QTMAN: variants seen among roughly 807,000 people sequenced by gnomAD.
QTMAN encodes the protein tRNA-queuosine alpha-mannosyltransferase.
chr2:144,256,334 C>CA, the QTMAN span, among the ~76,000 whole-genome samples: 2 of 152,086 alleles, frequency 1.3e-5, no homozygotes, highest in Non-Finnish European at 2.9e-5. Context: ...TCCCCAATGC[C>CA]AATAAAGATA....
the QTMAN span, among the ~76,000 whole-genome samples, chr2:144,307,233 C>CA: frequency 3.7e-4 from 38 of 103,374 alleles, no homozygotes; most frequent in East Asian, 5.1e-3. Context: ...CTATAGATGG[C>CA]AAAAAAAAAT....
At chr2:144,270,352 A>G in the QTMAN span, among the ~76,000 whole-genome samples, 3 of 152,336 alleles carry the variant, frequency 2.0e-5, no homozygotes, top group East Asian at 5.8e-4. Flanking sequence ...AGATACATGC[A>G]CACGTATGTT....
the QTMAN span, among the ~76,000 whole-genome samples, chr2:144,219,113 T>G: frequency 6.6e-6 from 1 of 152,164 alleles, no homozygotes; most frequent in South Asian, 2.1e-4. Context: ...CACTTTGCAG[T>G]AACAGACCTT....
At chr2:144,131,140 C>A in the QTMAN span, among the ~76,000 whole-genome samples, 1 of 151,966 alleles carries the variant, frequency 6.6e-6, no homozygotes, top group Non-Finnish European at 1.5e-5. Context: ...TCTGCAAATG[C>A]AGGTCAATAT....
the QTMAN span, among the ~76,000 whole-genome samples, chr2:144,322,869 T>C: frequency 6.6e-6 from 1 of 152,192 alleles, no homozygotes; most frequent in South Asian, 2.1e-4. Flanking sequence ...ATTACAAATC[T>C]TGACACAATT....
At chr2:144,134,877 G>T in the QTMAN span, among the ~76,000 whole-genome samples, 1 of 151,854 alleles carries the variant, frequency 6.6e-6, no homozygotes, top group African/African-American at 2.4e-5. Context: ...ATAAACATTT[G>T]ATCTTTTTAT....
the QTMAN span, among the ~76,000 whole-genome samples, chr2:144,231,878 G>GTT: frequency 1.4e-5 from 2 of 141,928 alleles, no homozygotes; most frequent in Non-Finnish European, 3.2e-5. Flanking sequence ...GTGTGTGTGT[G>GTT]TGTGTGTGTG....
At chr2:144,291,966 A>G in the QTMAN span, among the ~76,000 whole-genome samples, 1 of 152,182 alleles carries the variant, frequency 6.6e-6, no homozygotes, top group Non-Finnish European at 1.5e-5. Context: ...AAGAGATGAA[A>G]CATGCGGGTT....
chr2:143,939,783 CTCT>C, the QTMAN span: 2 of 152,188 alleles, frequency 1.3e-5, no homozygotes, highest in Non-Finnish European at 2.9e-5. Context: ...TCAATTTCAG[CTCT>C]TCTTAATGTA....
At chr2:144,047,501 A>G in the QTMAN span, among the ~76,000 whole-genome samples, 9 of 152,192 alleles carry the variant, frequency 5.9e-5, no homozygotes, top group Non-Finnish European at 1.3e-4. Context: ...TTCCTTTTGC[A>G]TATATACTGT....
At chr2:144,133,660 C>G in the QTMAN span, among the ~76,000 whole-genome samples, 18 of 144,576 alleles carry the variant, frequency 1.2e-4, no homozygotes, top group Admixed American at 1.0e-3. Context: ...TGGTTACAAC[C>G]TAACACAGCA....
the QTMAN span, among the ~76,000 whole-genome samples, chr2:144,251,368 C>T: frequency 2.4e-4 from 37 of 152,090 alleles, no homozygotes; most frequent in Non-Finnish European, 4.0e-4. Context: ...CAGAAATAGA[C>T]GCACACAAAT....
chr2:144,316,630 G>C, the QTMAN span, among the ~76,000 whole-genome samples: 1 of 152,124 alleles, frequency 6.6e-6, no homozygotes, highest in East Asian at 1.9e-4. Context: ...TAATAATAAA[G>C]GCAACCCATT....
chr2:144,290,671 CT>C, the QTMAN span, among the ~76,000 whole-genome samples: 3 of 152,192 alleles, frequency 2.0e-5, no homozygotes, highest in Non-Finnish European at 1.5e-5. Context: ...ACACTGTCCT[CT>C]TTTTCCACCT....
chr2:143,983,472 TTTTTTTTTTTTTTTTTTTGAGA>T, the QTMAN span, among the ~76,000 whole-genome samples: 1 of 143,320 alleles, frequency 7.0e-6, no homozygotes, highest in Middle Eastern at 3.5e-3. Context: ...TTTGAGGTTT[TTTTTTTTTTTTTTTTTTTGAGA>T]TGGAGTCTTG....
At chr2:144,264,748 T>C in the QTMAN span, among the ~76,000 whole-genome samples, 1 of 152,194 alleles carries the variant, frequency 6.6e-6, no homozygotes, top group Non-Finnish European at 1.5e-5. Context: ...ACGGTTTCCT[T>C]GGCAAAGATA....
chr2:144,063,987 C>T, the QTMAN span, among the ~76,000 whole-genome samples: 1 of 152,072 alleles, frequency 6.6e-6, no homozygotes, highest in African/African-American at 2.4e-5. Flanking sequence ...AGTAATAATG[C>T]TTTGTTGACC....
chr2:144,235,522 T>C, the QTMAN span, among the ~76,000 whole-genome samples: 1 of 152,112 alleles, frequency 6.6e-6, no homozygotes, highest in Non-Finnish European at 1.5e-5. Flanking sequence ...GGAAATAATC[T>C]GGTGAAACTT....
the QTMAN span, among the ~76,000 whole-genome samples, chr2:144,259,107 T>A: frequency 6.6e-6 from 1 of 152,148 alleles, no homozygotes; most frequent in East Asian, 1.9e-4. Context: ...GAAGTGACAT[T>A]TCCAATAGTC....
Sources: allele counts gnomAD v4.1 joint callset (sites outside exome capture counted in the v4.1 genomes callset), GRCh38; gene constraint gnomAD v4.1.1; transcripts MANE v1.5; gene names NCBI Gene and HGNC (gene_info 2026-07-23, HGNC 2026-07-21).